The following ABHD12B variants were observed in gnomAD, a reference collection of about 807,000 sequenced individuals.
ABHD12B encodes the protein protein ABHD12B.
ABHD12B carries 42 observed loss-of-function variants against 50.4 expected under a neutral mutation model. The observed-to-expected ratio is 0.83, with a 90% CI of 0.65 to 1.08. The LOEUF (loss-of-function observed/expected upper bound fraction) is 1.08. Ranked by LOEUF, ABHD12B falls within the 50% of genes least tolerant of loss-of-function variation. The pLI, the probability that ABHD12B is intolerant of heterozygous loss-of-function variation, is 0.00. For synonymous variants in ABHD12B, 167 were observed against 160.3 expected, an observed-to-expected ratio of 1.04 and a Z score of -0.32; for missense variants, 479 against 447.7, an observed-to-expected ratio of 1.07 and a Z score of -0.63.
intron 1 of ABHD12B, among the ~76,000 whole-genome samples, chr14:50,873,222 CTTTT>C (rs369236270): frequency 8.5e-4 from 127 of 148,630 alleles, no homozygotes; most frequent in Admixed American, 2.1e-3. Context: ...CTCTCTCTCT[CTTTT>C]TTTTTTCTTT....
At chr14:50,885,953 C>T in intron 7 of ABHD12B, 58 bp downstream of exon 7, 1 of 1,604,532 alleles carries the variant, frequency 6.2e-7, no homozygotes, top group South Asian at 1.1e-5. Context: ...AGTGTCCTAT[C>T]AAAGGCAGCA....
chr14:50,873,365 C>T (rs1595995194), intron 1 of ABHD12B, among the ~76,000 whole-genome samples: 1 of 152,148 alleles, frequency 6.6e-6, no homozygotes, highest in African/African-American at 2.4e-5. Flanking sequence ...CACCTGCCAC[C>T]ACACTGAGCT....
At chr14:50,878,498 ACT>A (rs2049893765) in intron 2 of ABHD12B, among the ~76,000 whole-genome samples, 1 of 152,018 alleles carries the variant, frequency 6.6e-6, no homozygotes, top group African/African-American at 2.4e-5. Context: ...GGATTGAATA[ACT>A]CTGTTTCTCT....
intron 1 of ABHD12B, among the ~76,000 whole-genome samples, chr14:50,877,690 A>G (rs1200991850): frequency 1.3e-5 from 2 of 152,130 alleles, no homozygotes; most frequent in Non-Finnish European, 2.9e-5. Flanking sequence ...AACATGGTGA[A>G]ACCCTGTCTC....
In ABHD12B at chr14:50,903,909, T is replaced by G. The variant is rs1056404396; in HGVS notation, c.943-165T>G. 4.3e-5 allele frequency: 27 copies of G among 626,370 alleles called. 1 individual carries two copies. In the Middle Eastern group the frequency reaches 1.2e-3, roughly 27 times the overall value. 38.8% of individuals were successfully genotyped at this position (626,370 alleles called of 1,614,324 possible). The stretch of plus-strand genomic sequence containing the variant: ...ATATTAGCTGAGCAGCATTCAGATC[T>G]TTAGCTGTAGAGACAGGCAACTGGG... On this transcript the variant is annotated intron_variant, in intron 11 of 12. Coordinates refer to ENST00000337334, the MANE Select transcript of ABHD12B (RefSeq NM_001206673.2).
At chr14:50,874,558 C>T (rs1405217698) in intron 1 of ABHD12B, among the ~76,000 whole-genome samples, 1 of 151,982 alleles carries the variant, frequency 6.6e-6, no homozygotes, top group Non-Finnish European at 1.5e-5. Context: ...CGAGATCGCA[C>T]CACTGCACTC....
At position 50,885,621 on chromosome 14, in the gene ABHD12B, G is replaced by A. The variant is rs777753471; in HGVS notation, c.494G>A (p.Ser165Asn). 1.2e-6 allele frequency: 2 copies of A among 1,614,220 alleles called. No individual in the cohort carries two copies. Among genetic ancestry groups the A allele is most frequent in the Admixed American group, 1.7e-5 (1 of 60,028 alleles). The stretch of plus-strand genomic sequence containing the variant: ...AGCTCCTTTGTTACCTAGGTGCTGA[G>A]TGATGGTGGCTTTCATGTCTTGTCT... ...SHRLKLVKVLSDGGFHVLSVD... is the reference protein window; with the variant it reads ...SHRLKLVKVLNDGGFHVLSVD... Residue 165 changes from serine to asparagine, a missense_variant, in exon 6 of 13, where the codon AGT (serine) becomes AAT (asparagine). Physicochemically the swap from Ser to Asn is conservative, Grantham distance 46 (BLOSUM62 1). Coordinates refer to ENST00000337334, the MANE Select transcript of ABHD12B (RefSeq NM_001206673.2).
At chr14:50,901,775 C>A in intron 9 of ABHD12B, 54 bp from the exon 10 acceptor site, 1 of 1,189,906 alleles carries the variant, frequency 8.4e-7, no homozygotes, top group Non-Finnish European at 1.2e-6. Flanking sequence ...GACTATATAA[C>A]AGATGGCATA....
rs1230977895 is a variant in ABHD12B at position 50,885,600 on chromosome 14, C to T, written c.487-14C>T. The T allele has an allele frequency of 1.2e-6, 2 of 1,614,126 alleles. No individual in the cohort carries two copies. The highest frequency in any genetic ancestry group is 1.1e-5 in the South Asian group (1 of 91,072). On this transcript the variant is annotated splice_polypyrimidine_tract_variant and intron_variant, in intron 5 of 12. Coordinates refer to ENST00000337334, the MANE Select transcript of ABHD12B (RefSeq NM_001206673.2). ...TCTTCTAATTAAAGTGATAACAGCT[C>T]CTTTGTTACCTAGGTGCTGAGTGAT...
intron 1 of ABHD12B, among the ~76,000 whole-genome samples, chr14:50,876,671 T>C (rs1224326161): frequency 6.6e-6 from 1 of 152,220 alleles, no homozygotes; most frequent in East Asian, 1.9e-4. Context: ...GACCTGGGTA[T>C]GTGTGGCTCT....
At chr14:50,904,235 T>C in intron 12 of ABHD12B, 43 bp downstream of exon 12, 1 of 1,612,536 alleles carries the variant, frequency 6.2e-7, no homozygotes, top group South Asian at 1.1e-5. Context: ...TTCAAGGCAA[T>C]TAGGGCTGCT....
Position 50,891,540 on chromosome 14 carries a change from G to A in ABHD12B, c.780+2637G>A, listed in dbSNP as rs1329093525. 5.9e-5 allele frequency: 9 copies of A among 152,170 alleles called. 1 individual carries two copies. The highest frequency in any genetic ancestry group is 5.9e-4 in the Admixed American group (9 of 15,272). The allele number at this position is 152,170 out of a possible 1,614,324, so 9.4% of individuals were successfully genotyped here. On this transcript the variant is annotated intron_variant, in intron 9 of 12. Coordinates refer to ENST00000337334, the MANE Select transcript of ABHD12B (RefSeq NM_001206673.2). ...TTACAGGCGTGAGCCACCGCGCCCA[G>A]CTGATAAAGAGAGATTTCTAAATTT...
At chr14:50,892,710 A>T in intron 9 of ABHD12B, 5 of 546,374 alleles carry the variant, frequency 9.2e-6, no homozygotes, top group Non-Finnish European at 1.2e-5. Flanking sequence ...TTATTTAAAA[A>T]TTTCTTTAGA....
chr14:50,885,506 C>T, intron 5 of ABHD12B, 108 bp from the exon 6 acceptor site: 1 of 1,273,344 alleles, frequency 7.9e-7, no homozygotes, highest in Non-Finnish European at 1.1e-6. Flanking sequence ...GTTAAAATTA[C>T]CTTTGAAAGA....
intron 9 of ABHD12B, among the ~76,000 whole-genome samples, chr14:50,896,427 C>G (rs544833837): frequency 2.6e-5 from 4 of 152,286 alleles, no homozygotes; most frequent in Non-Finnish European, 5.9e-5. Flanking sequence ...GCCATCGCAT[C>G]CCCTGTGACT....
intron 5 of ABHD12B, among the ~76,000 whole-genome samples, chr14:50,885,372 A>G (rs1172743584): frequency 6.6e-6 from 1 of 152,210 alleles, no homozygotes; most frequent in African/African-American, 2.4e-5. Flanking sequence ...CTATTAAAAC[A>G]GCTGAGTTTT....
Position 50,872,261 on chromosome 14 carries a change from G to A in ABHD12B, c.87G>A (p.Met29Ile), listed in dbSNP as rs1420414722. ...ARSCVAAWWD[M>I]VDRNLRYFPH... ...GCTGCGTGGCCGCCTGGTGGGACATGGTCGACCGCAACCTGCGGTGAGTAC... is the reference window on the plus strand; with the variant it reads ...GCTGCGTGGCCGCCTGGTGGGACATAGTCGACCGCAACCTGCGGTGAGTAC... The change falls in exon 1 of 13, where the codon ATG (methionine) becomes ATA (isoleucine). Residue 29 changes from methionine (M) to isoleucine (I), a missense_variant. Coordinates refer to ENST00000337334, the MANE Select transcript of ABHD12B (RefSeq NM_001206673.2). The A allele has an allele frequency of 1.4e-6, 2 of 1,384,600 alleles. No individual in the cohort carries two copies. The highest frequency in any genetic ancestry group is 6.2e-5 in the East Asian group (2 of 32,422). The allele number at this position is 1,384,600 out of a possible 1,614,324, so 85.8% of individuals were successfully genotyped here.
At chr14:50,879,133 T>A (rs925995168) in intron 3 of ABHD12B, among the ~76,000 whole-genome samples, 1 of 152,216 alleles carries the variant, frequency 6.6e-6, no homozygotes, top group Admixed American at 6.5e-5. Flanking sequence ...AGACACACTG[T>A]CCTCCTAGGA....
intron 1 of ABHD12B, among the ~76,000 whole-genome samples, chr14:50,877,513 C>T (rs2142721590): frequency 6.6e-6 from 1 of 152,272 alleles, no homozygotes; most frequent in South Asian, 2.1e-4. Flanking sequence ...TATTACTTTC[C>T]TTACCTGGTT....
Sources: gnomAD v4.1 joint callset for allele counts (sites outside exome capture counted in the v4.1 genomes callset) on GRCh38, gnomAD v4.1.1 for gene constraint, MANE v1.5 for transcripts, NCBI Gene and HGNC (gene_info 2026-07-23, HGNC 2026-07-21) for gene names.